The following SMARCA2 variants were observed in gnomAD, a reference collection of about 807,000 sequenced individuals.
SMARCA2 encodes SWI/SNF related BAF chromatin remodeling complex subunit ATPase 2.
A neutral mutation model predicts 199.8 loss-of-function variants in SMARCA2; 61 were observed. The ratio of observed to expected loss-of-function variants is 0.31; its 90% CI spans 0.25 to 0.38. The LOEUF is 0.38. Among genes scored for constraint, SMARCA2 ranks in the 10% least tolerant of loss-of-function variants. The pLI is 1.00. For synonymous variants in SMARCA2, 935 were observed against 732.0 expected, an observed-to-expected ratio of 1.28 and a Z score of -4.48; for missense variants, 1,344 against 2,012.2, an observed-to-expected ratio of 0.67 and a Z score of 6.35.
chr9:2,160,883 GAAA>G, intron 27 of SMARCA2: 5 of 255,140 alleles, frequency 2.0e-5, no homozygotes, highest in East Asian at 6.6e-5. Flanking sequence ...GATTTACCAG[GAAA>G]AAAAAAAAAA....
Position 2,039,393 on chromosome 9 carries a change from A to G in SMARCA2, c.356-73A>G. On this transcript the variant is annotated intron_variant, in intron 3 of 33. Coordinates refer to ENST00000349721, the MANE Select transcript of SMARCA2 (RefSeq NM_003070.5). The surrounding 1 kb of genome is among the most constrained non-coding windows in gnomAD (Gnocchi z 4.8). ...GACAGTGTTGCTGTGGACAATTATTAGAGTATTCAGGGATATCTCTCTTTC... is the reference window on the plus strand; with the variant it reads ...GACAGTGTTGCTGTGGACAATTATTGGAGTATTCAGGGATATCTCTCTTTC... 7.2e-7 allele frequency: 1 copy of G among 1,398,444 alleles called. No individual in the cohort carries two copies. The highest frequency in any genetic ancestry group is 9.8e-7 in the Non-Finnish European group (1 of 1,019,510). 86.6% of individuals were successfully genotyped at this position (1,398,444 alleles called of 1,614,324 possible).
intron 27 of SMARCA2, among the ~76,000 whole-genome samples, chr9:2,141,597 C>T (rs1824462118): frequency 6.6e-6 from 1 of 152,070 alleles, no homozygotes. Context: ...AAAATAAAGG[C>T]AGTTTAAAGA....
At chr9:2,068,528 G>A (rs912012254) in intron 9 of SMARCA2, among the ~76,000 whole-genome samples, 3 of 152,120 alleles carry the variant, frequency 2.0e-5, no homozygotes, top group East Asian at 1.9e-4. Flanking sequence ...AAGTGTTTTC[G>A]TAAAAGCTAT....
At chr9:2,167,442 G>C (rs1392358655) in intron 28 of SMARCA2, among the ~76,000 whole-genome samples, 1 of 152,224 alleles carries the variant, frequency 6.6e-6, no homozygotes, top group Non-Finnish European at 1.5e-5. Flanking sequence ...TCTGTAAAAG[G>C]GTTTGGACAT....
At chr9:2,155,474 T>A (rs555860068) in intron 27 of SMARCA2, among the ~76,000 whole-genome samples, 1 of 151,968 alleles carries the variant, frequency 6.6e-6, no homozygotes, top group African/African-American at 2.4e-5. Flanking sequence ...GTAGAGATGG[T>A]GTTTCACCAT....
Position 2,123,531 on chromosome 9 carries a change from G to A in SMARCA2, c.3763-188G>A, listed in dbSNP as rs7866458. ...CAAAAGGTGGGTACAGAAAAAGGGA[G>A]GGGATTTTACTTAATGGAATCTCTC... On this transcript the variant is annotated intron_variant, in intron 26 of 33. Coordinates refer to ENST00000349721, the MANE Select transcript of SMARCA2 (RefSeq NM_003070.5). This position sits in a 1 kb window ranked among gnomAD's most constrained non-coding sequence, Gnocchi z 4.1. Among the ~76,000 whole-genome samples, 48,747 of 151,678 alleles carry A rather than the reference G, an allele frequency of 0.32. 10,605 individuals carry two copies. Among genetic ancestry groups the A allele is most frequent in the African/African-American group, 0.62 (25,369 of 41,196 alleles).
At chr9:2,101,771 C>G (rs770471964) in intron 22 of SMARCA2, among the ~76,000 whole-genome samples, 155 bp downstream of exon 22, 2 of 152,214 alleles carry the variant, frequency 1.3e-5, no homozygotes, top group Non-Finnish European at 2.9e-5. Context: ...TCAGCATTCT[C>G]TTTTACTTTA....
At chr9:2,141,390 T>C (rs1204400181) in intron 27 of SMARCA2, among the ~76,000 whole-genome samples, 1 of 152,192 alleles carries the variant, frequency 6.6e-6, no homozygotes, top group East Asian at 1.9e-4. Flanking sequence ...ATTTGTTTAG[T>C]GAATGTTGAA....
chr9:2,180,110 A>G (rs1232084856), intron 29 of SMARCA2, among the ~76,000 whole-genome samples: 11 of 152,288 alleles, frequency 7.2e-5, no homozygotes, highest in Admixed American at 7.2e-4. Context: ...GGTGGTTGAG[A>G]GGGTGAGAGA....
rs575092552 is a variant in SMARCA2, at chr9:2,147,509, C to T, written c.3982-14177C>T. Among the ~76,000 whole-genome samples, 33 of 152,324 alleles carry T rather than the reference C, an allele frequency of 2.2e-4. 1 individual carries two copies. In the South Asian group the frequency reaches 4.4e-3, roughly 20 times the overall value. On this transcript the variant is annotated intron_variant, in intron 27 of 33. Coordinates refer to ENST00000349721, the MANE Select transcript of SMARCA2 (RefSeq NM_003070.5). The stretch of plus-strand genomic sequence containing the variant: ...CTAGAACACATAAATCACACATAAT[C>T]TTTCTCACAGAAATAACACCTATAA...
intron 19 of SMARCA2, among the ~76,000 whole-genome samples, chr9:2,094,523 A>G (rs1458361057): frequency 6.6e-5 from 10 of 152,210 alleles, no homozygotes; most frequent in Non-Finnish European, 1.2e-4. Context: ...GGAAGGTTTG[A>G]TCAAGCCAGC....
At chr9:2,151,727 C>T (rs1038160666) in intron 27 of SMARCA2, among the ~76,000 whole-genome samples, 1 of 151,530 alleles carries the variant, frequency 6.6e-6, no homozygotes, top group Non-Finnish European at 1.5e-5. Flanking sequence ...AGCAAGACTT[C>T]GTATCAAAAA....
At chr9:2,159,844 G>T in intron 27 of SMARCA2, 8 of 1,611,878 alleles carry the variant, frequency 5.0e-6, no homozygotes, top group Non-Finnish European at 6.8e-6. Context: ...TCGCTGCTTT[G>T]CTGGCTTGTT....
At chr9:2,187,212 T>C (rs1827529297) in intron 32 of SMARCA2, among the ~76,000 whole-genome samples, 1 of 141,250 alleles carries the variant, frequency 7.1e-6, no homozygotes, top group African/African-American at 2.5e-5. Context: ...GGGGCATTAA[T>C]TTGGGTTTTT....
In SMARCA2 at chr9:2,082,306, G is replaced by GGTGTGTGTGT. The variant is rs3057852; in HGVS notation, c.2348+347_2348+356dup. 4.9e-5 allele frequency among the ~76,000 whole-genome samples: 6 copies of GGTGTGTGTGT among 121,860 alleles called. No individual in the cohort carries two copies. The South Asian group carries it at 8.5e-4, about 17-fold the overall frequency. The allele number at this position is 121,860 out of a possible 152,430, so 79.9% of individuals were successfully genotyped here. On this transcript the variant is annotated intron_variant, in intron 15 of 33. Coordinates refer to ENST00000349721, the MANE Select transcript of SMARCA2 (RefSeq NM_003070.5). ...CCTTAAGTGGCTCACAAAGGGGAAAGGTGTGTGTGTGTGTGTGTGTGTGTG... is the reference window on the plus strand; with the variant it reads ...CCTTAAGTGGCTCACAAAGGGGAAAGGTGTGTGTGTGTGTGTGTGTGTGTGTGTGTGTGTG...
intron 24 of SMARCA2, among the ~76,000 whole-genome samples, chr9:2,113,907 G>T (rs1184970952): frequency 6.6e-6 from 1 of 152,172 alleles, no homozygotes; most frequent in Non-Finnish European, 1.5e-5. Flanking sequence ...GTGAAGAATG[G>T]TTTTCACTTT....
chr9:2,101,282 C>T (rs1321315561), intron 21 of SMARCA2, among the ~76,000 whole-genome samples: 2 of 152,046 alleles, frequency 1.3e-5, no homozygotes, highest in East Asian at 3.9e-4. Flanking sequence ...TAACTATTGG[C>T]TCCGCTATGG....
At chr9:2,168,226 G>C (rs930168986) in intron 28 of SMARCA2, among the ~76,000 whole-genome samples, 1 of 151,948 alleles carries the variant, frequency 6.6e-6, no homozygotes. Flanking sequence ...GGTCAGGCTG[G>C]TCTCGAACTC....
At position 2,062,569 on chromosome 9, in the gene SMARCA2, G is replaced by C. The variant is rs189467532; in HGVS notation, c.1692+1583G>C. On this transcript the variant is annotated intron_variant, in intron 9 of 33. Coordinates refer to ENST00000349721, the MANE Select transcript of SMARCA2 (RefSeq NM_003070.5). The stretch of plus-strand genomic sequence containing the variant: ...GTTCATCTGTACAGAACAGGGACTT[G>C]TCACAATTGTTTTTCATGGTGTTAT... Among the ~76,000 whole-genome samples the C allele has an allele frequency of 1.4e-3, 207 of 152,292 alleles. 1 individual carries two copies. The highest frequency in any genetic ancestry group is 0.011 in the South Asian group (54 of 4,814).
Sources: allele counts gnomAD v4.1 joint callset (sites outside exome capture counted in the v4.1 genomes callset), GRCh38; gene constraint gnomAD v4.1.1; non-coding constraint Gnocchi (gnomAD v3.1); transcripts MANE v1.5; gene names NCBI Gene and HGNC (gene_info 2026-07-23, HGNC 2026-07-21).